RNF217: variants seen among roughly 807,000 people sequenced by gnomAD.
RNF217 encodes E3 ubiquitin-protein ligase RNF217.
In RNF217, 31 loss-of-function variants were observed where a neutral mutation model predicts 57.8. That is an observed-to-expected ratio of 0.54 (90% CI 0.40 to 0.72). RNF217 has a LOEUF of 0.72. RNF217 is among the 30% of genes least tolerant of loss of function. RNF217 has a pLI of 0.00. For synonymous variants in RNF217, 313 were observed against 294.0 expected, an observed-to-expected ratio of 1.06 and a Z score of -0.66; for missense variants, 696 against 708.3, an observed-to-expected ratio of 0.98 and a Z score of 0.20.
chr6:125,032,394 A>G (rs1453270366), intron 1 of RNF217, among the ~76,000 whole-genome samples: 4 of 152,054 alleles, frequency 2.6e-5, no homozygotes, highest in East Asian at 1.9e-4. Context: ...GACCAATGCA[A>G]AGATTTGGTT....
At chr6:125,009,629 C>T (rs1176103241) in intron 1 of RNF217, 1 of 220,164 alleles carries the variant, frequency 4.5e-6, no homozygotes, top group East Asian at 9.3e-5. Context: ...TTTCTCCCTC[C>T]TGCCCTTCCT....
intron 2 of RNF217, among the ~76,000 whole-genome samples, chr6:125,054,551 C>G (rs1309525133): frequency 6.6e-6 from 1 of 152,180 alleles, no homozygotes; most frequent in Non-Finnish European, 1.5e-5. Flanking sequence ...TATGACACTC[C>G]TCAAGAGAGA....
chr6:125,027,125 C>T (rs1053834190), intron 1 of RNF217, among the ~76,000 whole-genome samples: 3 of 151,940 alleles, frequency 2.0e-5, no homozygotes, highest in South Asian at 2.1e-4. Flanking sequence ...AGGTATCCAT[C>T]CCCTCAAGTA....
chr6:125,055,778 A>G (rs979450497), intron 2 of RNF217, among the ~76,000 whole-genome samples: 2 of 152,088 alleles, frequency 1.3e-5, no homozygotes, highest in African/African-American at 4.8e-5. Context: ...TTCATTCATT[A>G]TATTGGAAAG....
At chr6:125,076,887 T>C (rs1788395881) in intron 4 of RNF217, 29 bp downstream of exon 4, 1 of 1,579,992 alleles carries the variant, frequency 6.3e-7, no homozygotes, top group South Asian at 1.1e-5. Context: ...TATGGGTGTC[T>C]TCCCTGGGAA....
At chr6:125,025,941 GAGTA>G (rs1165422915) in intron 1 of RNF217, among the ~76,000 whole-genome samples, 1 of 152,158 alleles carries the variant, frequency 6.6e-6, no homozygotes. Flanking sequence ...GAAAAGTTAA[GAGTA>G]AGGCCTTGAA....
chr6:125,054,631 AG>A (rs1457786561), intron 2 of RNF217, among the ~76,000 whole-genome samples: 1 of 152,238 alleles, frequency 6.6e-6, no homozygotes. Flanking sequence ...GCCACCGCTT[AG>A]GCAGCTTGCC....
intron 1 of RNF217, among the ~76,000 whole-genome samples, chr6:124,989,357 GTTTA>G (rs1341276798): frequency 6.6e-6 from 1 of 152,122 alleles, no homozygotes; most frequent in Non-Finnish European, 1.5e-5. Flanking sequence ...GACACTTGAA[GTTTA>G]TTTATCTTCT....
intron 1 of RNF217, among the ~76,000 whole-genome samples, chr6:125,020,501 A>G (rs1785795635): frequency 6.6e-6 from 1 of 152,038 alleles, no homozygotes; most frequent in South Asian, 2.1e-4. Flanking sequence ...GAGCCTAGTC[A>G]TCCAGATGGT....
At chr6:124,985,972 T>G (rs1784351940) in intron 1 of RNF217, among the ~76,000 whole-genome samples, 1 of 152,142 alleles carries the variant, frequency 6.6e-6, no homozygotes, top group Non-Finnish European at 1.5e-5. Context: ...AAAATTCATG[T>G]GTTGAAACTC....
At chr6:125,026,854 G>A (rs1786109016) in intron 1 of RNF217, among the ~76,000 whole-genome samples, 1 of 152,010 alleles carries the variant, frequency 6.6e-6, no homozygotes, top group African/African-American at 2.4e-5. Context: ...AAAATGAACT[G>A]TGATATACTA....
At chr6:125,038,194 A>C (rs779348984) in intron 1 of RNF217, among the ~76,000 whole-genome samples, 2 of 152,184 alleles carry the variant, frequency 1.3e-5, no homozygotes, top group Admixed American at 1.3e-4. Context: ...TTGTTCAGAA[A>C]AACTGAACAG....
At chr6:125,078,584 C>A (rs1582783871) in intron 4 of RNF217, among the ~76,000 whole-genome samples, 1 of 152,034 alleles carries the variant, frequency 6.6e-6, no homozygotes, top group South Asian at 2.1e-4. Context: ...TGTCAGGAAC[C>A]CACTCCCTTG....
chr6:125,048,333 G>A, intron 2 of RNF217: 2 of 1,182,524 alleles, frequency 1.7e-6, no homozygotes, highest in Non-Finnish European at 2.3e-6. Context: ...CCAAATTGGT[G>A]TCATTTATGG....
intron 1 of RNF217, among the ~76,000 whole-genome samples, chr6:124,990,717 G>T (rs1312574746): frequency 6.6e-6 from 1 of 152,076 alleles, no homozygotes; most frequent in Non-Finnish European, 1.5e-5. Context: ...CAGGAATCTA[G>T]CAGTAAAATC....
intron 1 of RNF217, among the ~76,000 whole-genome samples, chr6:125,011,756 A>G (rs1004975926): frequency 1.3e-5 from 2 of 152,082 alleles, no homozygotes; most frequent in Admixed American, 6.6e-5. Flanking sequence ...GAATTTTCCC[A>G]TCTAGTTCTT....
chr6:124,974,600 A>G (rs1163636402), intron 1 of RNF217, among the ~76,000 whole-genome samples: 1 of 152,214 alleles, frequency 6.6e-6, no homozygotes, highest in African/African-American at 2.4e-5. Context: ...TTTCCATTAG[A>G]GTATATCAAA....
intron 1 of RNF217, among the ~76,000 whole-genome samples, chr6:124,975,878 C>T (rs1392434112): frequency 1.3e-5 from 2 of 152,140 alleles, no homozygotes; most frequent in Non-Finnish European, 2.9e-5. Flanking sequence ...CTCTTAACTT[C>T]AGTGTTTTAA....
At position 125,070,139 on chromosome 6, in the gene RNF217, G is replaced by T. The variant is rs184815690; in HGVS notation, c.1282-6518G>T. The stretch of plus-strand genomic sequence containing the variant: ...CCATTCCTGAGTTACTTCACTTAGA[G>T]TAATGGCCTCCAGCTCCATCCAAGT... On this transcript the variant is annotated intron_variant, in intron 3 of 5. Coordinates refer to ENST00000521654, the MANE Select transcript of RNF217 (RefSeq NM_001286398.3). Among the ~76,000 whole-genome samples, 601 of 152,240 alleles carry T rather than the reference G, an allele frequency of 3.9e-3. 1 individual carries two copies. The highest frequency in any genetic ancestry group is 8.6e-3 in the Admixed American group (131 of 15,282).
Sources: allele counts gnomAD v4.1 joint callset (sites outside exome capture counted in the v4.1 genomes callset), GRCh38; gene constraint gnomAD v4.1.1; transcripts MANE v1.5; gene names NCBI Gene and HGNC (gene_info 2026-07-23, HGNC 2026-07-21).